The following NKAIN2 variants were observed in gnomAD, a reference collection of about 807,000 sequenced individuals.
NKAIN2 encodes sodium/potassium transporting ATPase interacting 2, also known as sodium/potassium-transporting ATPase subunit beta-1-interacting protein 2.
NKAIN2 carries 14 observed loss-of-function variants against 32.6 expected under a neutral mutation model. The ratio of observed to expected loss-of-function variants is 0.43; its 90% CI spans 0.28 to 0.67. NKAIN2 has a LOEUF of 0.67. Ranked by LOEUF, NKAIN2 falls within the 30% of genes least tolerant of loss-of-function variation. The pLI is 0.17. For synonymous variants in NKAIN2, 80 were observed against 87.2 expected, an observed-to-expected ratio of 0.92 and a Z score of 0.46; for missense variants, 198 against 258.3, an observed-to-expected ratio of 0.77 and a Z score of 1.60.
At chr6:124,559,447 G>C (rs117093165) in intron 3 of NKAIN2, among the ~76,000 whole-genome samples, 1 of 152,076 alleles carries the variant, frequency 6.6e-6, no homozygotes, top group African/African-American at 2.4e-5. Context: ...AGCGATAGAC[G>C]ATTCCTTACC....
chr6:123,978,068 T>A (rs1778720419), intron 1 of NKAIN2, among the ~76,000 whole-genome samples: 1 of 152,220 alleles, frequency 6.6e-6, no homozygotes, highest in Non-Finnish European at 1.5e-5. Flanking sequence ...TATGCACCTT[T>A]AAGAAACACT....
At chr6:124,732,856 A>AT in intron 4 of NKAIN2, among the ~76,000 whole-genome samples, 1 of 152,194 alleles carries the variant, frequency 6.6e-6, no homozygotes, top group Admixed American at 6.6e-5. Flanking sequence ...TTATATCCAT[A>AT]TAAAAATCTT....
chr6:124,177,212 G>T (rs1268293944), intron 1 of NKAIN2, among the ~76,000 whole-genome samples: 2 of 152,090 alleles, frequency 1.3e-5, no homozygotes, highest in Non-Finnish European at 2.9e-5. Context: ...AACAATTTTT[G>T]ATACTTGGAG....
At chr6:124,436,621 C>G (rs1474320852) in intron 3 of NKAIN2, among the ~76,000 whole-genome samples, 1 of 152,134 alleles carries the variant, frequency 6.6e-6, no homozygotes, top group Non-Finnish European at 1.5e-5. Context: ...ACAGCCCACT[C>G]CAATCCTAGA....
At chr6:124,635,192 A>G (rs1333558071) in intron 3 of NKAIN2, among the ~76,000 whole-genome samples, 3 of 152,098 alleles carry the variant, frequency 2.0e-5, no homozygotes, top group Non-Finnish European at 2.9e-5. Flanking sequence ...CAAAAACTGA[A>G]TAATTCATTA....
intron 4 of NKAIN2, among the ~76,000 whole-genome samples, chr6:124,662,879 C>T (rs182780963): frequency 1.2e-4 from 18 of 152,192 alleles, no homozygotes; most frequent in East Asian, 3.9e-4. Context: ...CTGACTTCCA[C>T]GTCACCTAGA....
intron 3 of NKAIN2, among the ~76,000 whole-genome samples, chr6:124,381,138 G>A (rs959603533): frequency 6.6e-6 from 1 of 152,066 alleles, no homozygotes. Flanking sequence ...AAATCCAACT[G>A]TCTTCTATTA....
At chr6:124,786,521 A>C (rs1779512810) in intron 4 of NKAIN2, among the ~76,000 whole-genome samples, 1 of 152,146 alleles carries the variant, frequency 6.6e-6, no homozygotes, top group South Asian at 2.1e-4. Context: ...ACATACAATC[A>C]TAATTTGGTC....
chr6:124,220,724 T>C (rs1397962940), intron 1 of NKAIN2, among the ~76,000 whole-genome samples: 1 of 151,844 alleles, frequency 6.6e-6, no homozygotes, highest in African/African-American at 2.4e-5. Context: ...ATATGTTTGT[T>C]TGTTAATTGT....
intron 1 of NKAIN2, among the ~76,000 whole-genome samples, chr6:124,062,893 T>C (rs1782981962): frequency 6.6e-6 from 1 of 152,162 alleles, no homozygotes; most frequent in African/African-American, 2.4e-5. Context: ...GAACAATTTT[T>C]AAGATATTTG....
chr6:124,552,339 C>T (rs1780319779), intron 3 of NKAIN2, among the ~76,000 whole-genome samples: 3 of 152,164 alleles, frequency 2.0e-5, no homozygotes, highest in South Asian at 4.1e-4. Flanking sequence ...ATGCTGGACA[C>T]AGAGCAGGCA....
intron 5 of NKAIN2, among the ~76,000 whole-genome samples, chr6:124,802,514 A>G (rs773805362): frequency 5.9e-5 from 9 of 152,204 alleles, no homozygotes; most frequent in Non-Finnish European, 1.2e-4. Flanking sequence ...TTTCACCATA[A>G]TCTTCATTAC....
At chr6:124,425,667 G>T (rs1310835759) in intron 3 of NKAIN2, among the ~76,000 whole-genome samples, 2 of 152,026 alleles carry the variant, frequency 1.3e-5, no homozygotes, top group African/African-American at 2.4e-5. Context: ...CTCCAAAGAA[G>T]ACGTACCTAC....
At chr6:124,694,240 TC>T (rs1774388389) in intron 4 of NKAIN2, among the ~76,000 whole-genome samples, 1 of 152,194 alleles carries the variant, frequency 6.6e-6, no homozygotes, top group African/African-American at 2.4e-5. Context: ...GATTCTGTTG[TC>T]CTGGCACATA....
At chr6:124,611,867 C>T (rs1432464875) in intron 3 of NKAIN2, among the ~76,000 whole-genome samples, 1 of 152,144 alleles carries the variant, frequency 6.6e-6, no homozygotes. Context: ...CACTAGGACT[C>T]AAGCTGGGGA....
chr6:124,041,941 A>G (rs1041411081), intron 1 of NKAIN2, among the ~76,000 whole-genome samples: 3 of 152,118 alleles, frequency 2.0e-5, no homozygotes, highest in Admixed American at 6.6e-5. Flanking sequence ...TGCAAGAAGA[A>G]ACAAGGTGTC....
At chr6:124,473,932 AAG>A (rs1428028342) in intron 3 of NKAIN2, among the ~76,000 whole-genome samples, 3 of 152,150 alleles carry the variant, frequency 2.0e-5, no homozygotes, top group African/African-American at 7.2e-5. Flanking sequence ...GCAAAAATAA[AAG>A]AATATTATTC....
intron 4 of NKAIN2, among the ~76,000 whole-genome samples, chr6:124,752,537 G>A (rs986550465): frequency 6.6e-6 from 1 of 151,628 alleles, no homozygotes; most frequent in Non-Finnish European, 1.5e-5. Context: ...ATGTATATGT[G>A]GGTATGTGTG....
chr6:124,726,257 G>C (rs1239931991), intron 4 of NKAIN2, among the ~76,000 whole-genome samples: 1 of 99,696 alleles, frequency 1.0e-5, no homozygotes, highest in Non-Finnish European at 2.1e-5. Flanking sequence ...TGGGGGCAGG[G>C]CACAGACAAA....
Sources: gnomAD v4.1 joint callset for allele counts (sites outside exome capture counted in the v4.1 genomes callset) on GRCh38, gnomAD v4.1.1 for gene constraint, MANE v1.5 for transcripts, NCBI Gene and HGNC (gene_info 2026-07-23, HGNC 2026-07-21) for gene names.